ATP2C1: variants seen among roughly 807,000 people sequenced by gnomAD.
ATP2C1 encodes the protein calcium-transporting ATPase type 2C member 1.
A neutral mutation model predicts 120.5 loss-of-function variants in ATP2C1; 31 were observed. That is an observed-to-expected ratio of 0.26 (90% CI 0.19 to 0.35). ATP2C1 has a LOEUF of 0.35. ATP2C1 is among the 10% of genes least tolerant of loss of function. The pLI, the probability that ATP2C1 is intolerant of heterozygous loss-of-function variation, is 1.00. For synonymous variants in ATP2C1, 351 were observed against 358.7 expected (o/e 0.98, Z 0.24); for missense variants, 731 against 1,107.5 (o/e 0.66, Z 4.83).
At chr3:130,930,559 G>A in intron 3 of ATP2C1, 33 bp downstream of exon 3, 3 of 1,335,782 alleles carry the variant, frequency 2.2e-6, no homozygotes, top group South Asian at 1.2e-5. Context: ...GGGACTAGAT[G>A]GTGTAAAGTC....
chr3:130,919,044 A>C, intron 2 of ATP2C1: 1 of 497,052 alleles, frequency 2.0e-6, no homozygotes, highest in Non-Finnish European at 4.0e-6. Context: ...TCCTGCCATT[A>C]CACTGCACCT....
intron 1 of ATP2C1, among the ~76,000 whole-genome samples, chr3:130,854,708 GGCTACATATGGGT>G (rs2067782485): frequency 6.6e-6 from 1 of 152,124 alleles, no homozygotes; most frequent in African/African-American, 2.4e-5. Flanking sequence ...AGCACCCCTG[GGCTACATATGGGT>G]GCTAGCACCA....
intron 26 of ATP2C1, among the ~76,000 whole-genome samples, chr3:131,010,163 T>C (rs2063262408): frequency 6.7e-6 from 1 of 150,220 alleles, no homozygotes. Context: ...GAAATGGTAA[T>C]ATCTGCTCTT....
intron 19 of ATP2C1, 88 bp downstream of exon 19, chr3:130,979,507 G>T (rs945029635): frequency 7.5e-7 from 1 of 1,339,842 alleles, no homozygotes. Context: ...TTATGAATAT[G>T]TTTATGTAAT....
At chr3:130,939,438 ATTTGAAAAATGAC>A (rs2059803571) in intron 6 of ATP2C1, among the ~76,000 whole-genome samples, 1 of 152,194 alleles carries the variant, frequency 6.6e-6, no homozygotes, top group Non-Finnish European at 1.5e-5. Flanking sequence ...CTTACAATAA[ATTTGAAAAATGAC>A]TTTTAGGCAT....
At chr3:130,871,292 G>C (rs1487346203) in intron 1 of ATP2C1, among the ~76,000 whole-genome samples, 1 of 152,180 alleles carries the variant, frequency 6.6e-6, no homozygotes, top group East Asian at 1.9e-4. Context: ...TTCACTCTTA[G>C]AATTGAGTAC....
chr3:130,939,232 A>G (rs1237981144), intron 6 of ATP2C1, among the ~76,000 whole-genome samples: 1 of 152,208 alleles, frequency 6.6e-6, no homozygotes, highest in Admixed American at 6.5e-5. Context: ...AAATGTATAA[A>G]AAATTCTTAA....
At chr3:131,016,026 A>T (rs2063610784) in intron 26 of ATP2C1, 7 of 1,202,468 alleles carry the variant, frequency 5.8e-6, no homozygotes, top group Non-Finnish European at 7.0e-6. Flanking sequence ...CATTAAGATT[A>T]GTTTTTTTTT....
chr3:130,948,277 T>A (rs543674772), intron 8 of ATP2C1, among the ~76,000 whole-genome samples: 2 of 152,306 alleles, frequency 1.3e-5, no homozygotes, highest in African/African-American at 4.8e-5. Flanking sequence ...TTTGTTTATT[T>A]AGGATTTTAA....
Position 130,894,168 on chromosome 3 carries a change from C to CA in ATP2C1, c.-350_-349insA. ...CTTCTCTCCCCTCCCCGCCCGCCCT[C>CA]TCTCCCTCCCTTCCTCCCTCCCGCT... is the stretch of plus-strand genomic sequence containing the variant. On this transcript the variant is annotated 5_prime_UTR_variant, in exon 1 of 28. Coordinates refer to ENST00000510168, the MANE Select transcript of ATP2C1 (RefSeq NM_001378687.1). The surrounding 1 kb of genome is among the most constrained non-coding windows in gnomAD (Gnocchi z 4.5). 1.2e-6 allele frequency: 1 copy of CA among 858,114 alleles called. No homozygotes were observed. The highest frequency in any genetic ancestry group is 1.4e-6 in the Non-Finnish European group (1 of 714,018). 53.2% of individuals were successfully genotyped at this position (858,114 alleles called of 1,614,324 possible).
chr3:130,884,930 C>CTTTTTTTTTTTT (rs35931105), intron 1 of ATP2C1, among the ~76,000 whole-genome samples: 3 of 120,858 alleles, frequency 2.5e-5, no homozygotes, highest in Non-Finnish European at 3.4e-5. Flanking sequence ...TCTTTTCTTT[C>CTTTTTTTTTTTT]TTTTTTTTTT....
At position 130,998,367 on chromosome 3, in the gene ATP2C1, A is replaced by G; in HGVS notation, c.2465A>G (p.Asn822Ser). The change falls in exon 26 of 28, where the codon AAT (asparagine) becomes AGT (serine). Residue 822 changes from asparagine to serine, a missense_variant. Transcript: ENST00000510168. ...FTCFVFFDMF[N>S]ALSSRSQTKS... ...TGCTTTGTGTTTTTTGACATGTTCAATGCACTAAGTTCCAGATCCCAGGTA... is the reference window on the plus strand; with the variant it reads ...TGCTTTGTGTTTTTTGACATGTTCAGTGCACTAAGTTCCAGATCCCAGGTA... 1.9e-6 allele frequency: 3 copies of G among 1,609,094 alleles called. No individual in the cohort carries two copies. The highest frequency in any genetic ancestry group is 1.3e-5 in the African/African-American group (1 of 74,938).
intron 16 of ATP2C1, among the ~76,000 whole-genome samples, chr3:130,969,040 G>A (rs916612449): frequency 7.2e-5 from 11 of 152,176 alleles, no homozygotes; most frequent in Non-Finnish European, 1.5e-4. Flanking sequence ...AATACAGTGT[G>A]TATGGGAGGT....
chr3:130,979,755 A>T (rs1454383725), intron 19 of ATP2C1, among the ~76,000 whole-genome samples: 2 of 152,158 alleles, frequency 1.3e-5, no homozygotes, highest in African/African-American at 4.8e-5. Flanking sequence ...TTTTCCTTTC[A>T]ACTTAAGTAT....
chr3:130,894,087 C>G lies in ATP2C1; in HGVS notation c.-431C>G. On this transcript the variant is annotated 5_prime_UTR_variant, in exon 1 of 28. Transcript: ENST00000510168. This position sits in a 1 kb window ranked among gnomAD's most constrained non-coding sequence, Gnocchi z 4.5. ...CGCAGGAGTCGGAGGCGGGAGCAGA[C>G]CAGCACGGCCTCGCGGAGCCGGCCC... 1 of 978,388 alleles carries G rather than the reference C, an allele frequency of 1.0e-6. No homozygotes were observed. Among genetic ancestry groups the G allele is most frequent in the Non-Finnish European group, 1.2e-6 (1 of 823,618 alleles). The allele number at this position is 978,388 out of a possible 1,614,324, so 60.6% of individuals were successfully genotyped here. A position where few individuals can be genotyped will look rare whatever the true frequency, so the allele number is the denominator to read the frequency against.
At chr3:130,927,402 G>A (rs1437597898) in intron 2 of ATP2C1, among the ~76,000 whole-genome samples, 2 of 151,898 alleles carry the variant, frequency 1.3e-5, no homozygotes, top group African/African-American at 4.8e-5. Context: ...CACCATGCCT[G>A]GCTAATTTTT....
At chr3:130,939,888 C>T (rs761504515) in intron 6 of ATP2C1, among the ~76,000 whole-genome samples, 1 of 152,186 alleles carries the variant, frequency 6.6e-6, no homozygotes, top group African/African-American at 2.4e-5. Flanking sequence ...TTGCCTCTCC[C>T]TCTTTTGACC....
chr3:130,887,616 C>G (rs1362279811), intron 1 of ATP2C1, among the ~76,000 whole-genome samples: 3 of 152,172 alleles, frequency 2.0e-5, no homozygotes, highest in African/African-American at 7.2e-5. Flanking sequence ...ACCACTATCA[C>G]TGGGCCATGG....
chr3:130,906,293 G>A (rs1559905067), intron 2 of ATP2C1, among the ~76,000 whole-genome samples: 1 of 151,912 alleles, frequency 6.6e-6, no homozygotes, highest in East Asian at 1.9e-4. Context: ...TTATGGATTT[G>A]CCTGTTCTGG....
Sources: gnomAD v4.1 joint callset for allele counts (sites outside exome capture counted in the v4.1 genomes callset) on GRCh38, gnomAD v4.1.1 for gene constraint, Gnocchi (gnomAD v3.1) non-coding constraint, MANE v1.5 for transcripts, NCBI Gene and HGNC (gene_info 2026-07-23, HGNC 2026-07-21) for gene names.